INO80D: variants seen among roughly 807,000 people sequenced by gnomAD.
The protein encoded by INO80D is INO80 complex subunit D.
A neutral mutation model predicts 87.6 loss-of-function variants in INO80D; 21 were observed. The ratio of observed to expected loss-of-function variants is 0.24; its 90% CI spans 0.17 to 0.35. The LOEUF (loss-of-function observed/expected upper bound fraction) is 0.35. Among genes scored for constraint, INO80D ranks in the 10% least tolerant of loss-of-function variants. The pLI is 1.00. For synonymous variants in INO80D, 440 were observed against 491.0 expected, an observed-to-expected ratio of 0.90 and a Z score of 1.37; for missense variants, 982 against 1,280.7, an observed-to-expected ratio of 0.77 and a Z score of 3.56.
At chr2:206,029,716 C>T (rs1688711098) in intron 5 of INO80D, among the ~76,000 whole-genome samples, 1 of 152,182 alleles carries the variant, frequency 6.6e-6, no homozygotes, top group Admixed American at 6.6e-5. Flanking sequence ...AAGGACTTTA[C>T]TTCAATCTTT....
At chr2:206,023,674 C>A in intron 6 of INO80D, among the ~76,000 whole-genome samples, 1 of 133,966 alleles carries the variant, frequency 7.5e-6, no homozygotes, top group Admixed American at 8.2e-5. Flanking sequence ...CAGAGTGAGA[C>A]TCATCTAAAA....
chr2:206,056,230 T>A lies in INO80D; in HGVS notation c.932A>T (p.His311Leu). ...QRLVKLCTQK[H>L]QLDTDLFPHL... is the part of the protein sequence containing the mutation. ...GGGAAACAGATCAGTGTCCAACTGA[T>A]GTTTCTGGGTGCACAGTTTCACCAG... Residue 311 changes from histidine to leucine, a missense_variant, in exon 4 of 11, where the codon CAT (histidine) becomes CTT (leucine). By Grantham distance (99) the His-to-Leu change is moderately conservative. Coordinates refer to ENST00000403263, the MANE Select transcript of INO80D (RefSeq NM_017759.5). 6.2e-7 allele frequency: 1 copy of A among 1,603,480 alleles called. No individual in the cohort carries two copies. The highest frequency in any genetic ancestry group is 8.5e-7 in the Non-Finnish European group (1 of 1,174,792).
rs192817210 is a variant in INO80D, at chr2:206,052,141, A to G, written c.964+4057T>C. ...AGCTGTCCTGAGGAAGAGGACTTAC[A>G]CAACTGTTTTTATTGCAACCTGACC... On this transcript the variant is annotated intron_variant, in intron 4 of 10. Transcript: ENST00000403263. Among the ~76,000 whole-genome samples, 387 of 152,298 alleles carry G rather than the reference A, an allele frequency of 2.5e-3. 1 individual carries two copies. The highest frequency in any genetic ancestry group is 3.7e-3 in the Non-Finnish European group (249 of 68,024).
intron 3 of INO80D, among the ~76,000 whole-genome samples, chr2:206,059,863 A>T (rs886884382): frequency 6.6e-6 from 1 of 152,216 alleles, no homozygotes; most frequent in African/African-American, 2.4e-5. Flanking sequence ...GTCTGGGATA[A>T]CTGCACTAAC....
chr2:206,056,012 T>C (rs906815212), intron 4 of INO80D, among the ~76,000 whole-genome samples, 186 bp downstream of exon 4: 1 of 152,148 alleles, frequency 6.6e-6, no homozygotes, highest in Non-Finnish European at 1.5e-5. Context: ...CCACCACACA[T>C]GTAGAGGGAC....
chr2:206,067,942 C>CA (rs1421201003), intron 1 of INO80D, among the ~76,000 whole-genome samples: 35 of 147,348 alleles, frequency 2.4e-4, no homozygotes, highest in South Asian at 1.7e-3. Flanking sequence ...AACCCTGTTT[C>CA]AAAAAAAAAA....
At chr2:206,053,842 AT>A (rs199765299) in intron 4 of INO80D, among the ~76,000 whole-genome samples, 81 of 146,878 alleles carry the variant, frequency 5.5e-4, no homozygotes, top group Admixed American at 5.4e-4. Flanking sequence ...AAGATACAGA[AT>A]TTTTTTTTTT....
At chr2:206,057,196 G>A (rs1689549088) in intron 3 of INO80D, among the ~76,000 whole-genome samples, 1 of 152,142 alleles carries the variant, frequency 6.6e-6, no homozygotes, top group Non-Finnish European at 1.5e-5. Flanking sequence ...GTTACTGAGT[G>A]GCCCTGGATA....
At position 206,004,525 on chromosome 2, in the gene INO80D, C is replaced by T. The variant is rs777388385; in HGVS notation, c.2927G>A (p.Ser976Asn). The T allele has an allele frequency of 3.1e-6, 5 of 1,610,940 alleles. No homozygotes were observed. Among genetic ancestry groups the T allele is most frequent in the South Asian group, 1.1e-5 (1 of 90,380 alleles). Residue 976 changes from serine to asparagine, a missense_variant, in exon 11 of 11, where the codon AGC (serine) becomes AAC (asparagine). Physicochemically the swap from Ser to Asn is conservative, Grantham distance 46 (BLOSUM62 1). Transcript: ENST00000403263. This position sits in a 1 kb window ranked among gnomAD's most constrained non-coding sequence, Gnocchi z 4.9. ...TSPKQQLPQF[S>N]AAFGHQLSSH... ...ACTCAGCTGGTGGCCAAAGGCTGCG[C>T]TGAACTGAGGGAGTTGCTGCTTGGG...
intron 4 of INO80D, among the ~76,000 whole-genome samples, chr2:206,053,408 TAGAA>T (rs1689427279): frequency 6.6e-6 from 1 of 152,180 alleles, no homozygotes; most frequent in Admixed American, 6.6e-5. Context: ...TTTTATATAT[TAGAA>T]AGAATATATC....
chr2:206,024,711 C>G (rs1481720374), intron 6 of INO80D, among the ~76,000 whole-genome samples: 1 of 152,030 alleles, frequency 6.6e-6, no homozygotes, highest in Non-Finnish European at 1.5e-5. Flanking sequence ...ATATGACCAA[C>G]AGCTACAAAA....
At chr2:206,040,461 G>A in intron 5 of INO80D, 1 of 209,760 alleles carries the variant, frequency 4.8e-6, no homozygotes. Context: ...CTGGGAAAGT[G>A]GTGCTGGTCC....
At position 206,004,273 on chromosome 2, in the gene INO80D, A is replaced by G; in HGVS notation, c.*95T>C. ...GGTGCCCCTCTGATCCCCATCTGTTATATCTTCTTTAGGAAAAGGGGAGAG... is the reference window on the plus strand; with the variant it reads ...GGTGCCCCTCTGATCCCCATCTGTTGTATCTTCTTTAGGAAAAGGGGAGAG... On this transcript the variant is annotated 3_prime_UTR_variant, in exon 11 of 11. Transcript: ENST00000403263. The surrounding 1 kb of genome is among the most constrained non-coding windows in gnomAD (Gnocchi z 4.9). The G allele has an allele frequency of 8.5e-7, 1 of 1,178,704 alleles. No homozygotes were observed. The highest frequency in any genetic ancestry group is 1.2e-6 in the Non-Finnish European group (1 of 831,894). The allele number at this position is 1,178,704 out of a possible 1,614,324, so 73.0% of individuals were successfully genotyped here. A position where few individuals can be genotyped will look rare whatever the true frequency, so the allele number is the denominator to read the frequency against.
intron 1 of INO80D, among the ~76,000 whole-genome samples, chr2:206,071,241 A>C (rs1291656282): frequency 7.6e-4 from 1 of 1,318 alleles, no homozygotes; most frequent in African/African-American, 2.8e-3. Flanking sequence ...TTACAGGCAT[A>C]AGCACCACGC....
At chr2:206,063,844 G>A (rs1689748189) in intron 1 of INO80D, among the ~76,000 whole-genome samples, 1 of 152,090 alleles carries the variant, frequency 6.6e-6, no homozygotes, top group Non-Finnish European at 1.5e-5. Context: ...CATTACTGAT[G>A]TTTGCATGCT....
At chr2:206,043,397 C>A (rs1461383945) in intron 5 of INO80D, among the ~76,000 whole-genome samples, 1 of 152,102 alleles carries the variant, frequency 6.6e-6, no homozygotes. Flanking sequence ...GTCTCGAACT[C>A]CTGACCTCAT....
intron 5 of INO80D, among the ~76,000 whole-genome samples, chr2:206,033,977 A>C (rs2105843614): frequency 6.6e-6 from 1 of 152,306 alleles, no homozygotes; most frequent in African/African-American, 2.4e-5. Context: ...TTATGTACAT[A>C]AACTGGAAAA....
At chr2:206,047,856 A>ATTTTTTTTTTTTT (rs1175389682) in intron 4 of INO80D, among the ~76,000 whole-genome samples, 2 of 139,438 alleles carry the variant, frequency 1.4e-5, no homozygotes, top group Non-Finnish European at 3.1e-5. Flanking sequence ...ATTTCTTTCA[A>ATTTTTTTTTTTTT]TTTTTTTTTT....
At chr2:206,018,876 CG>C (rs2105816919) in intron 7 of INO80D, among the ~76,000 whole-genome samples, 1 of 152,202 alleles carries the variant, frequency 6.6e-6, no homozygotes, top group East Asian at 1.9e-4. Context: ...GCACTTCAGC[CG>C]GGGTGACAGA....
Sources: allele counts gnomAD v4.1 joint callset (sites outside exome capture counted in the v4.1 genomes callset), GRCh38; gene constraint gnomAD v4.1.1; non-coding constraint Gnocchi (gnomAD v3.1); transcripts MANE v1.5; gene names NCBI Gene and HGNC (gene_info 2026-07-23, HGNC 2026-07-21).